Variants in AGBL4 observed in about 807,000 individuals in gnomAD.
AGBL4 encodes the protein cytosolic carboxypeptidase 6.
AGBL4 carries 58 observed loss-of-function variants against 66.4 expected under a neutral mutation model. That is an observed-to-expected ratio of 0.87 (90% confidence interval 0.71 to 1.09). AGBL4 has a LOEUF of 1.09. AGBL4 is among the 50% of genes least tolerant of loss of function. AGBL4 has a pLI of 0.00. For missense variants in AGBL4, 579 were observed against 631.0 expected (o/e 0.92, Z 0.88); for synonymous variants, 234 against 222.9 (o/e 1.05, Z -0.44).
Position 49,658,841 on chromosome 1 carries a change from C to T in AGBL4, c.282+38472G>A, listed in dbSNP as rs1452727303. Among the ~76,000 whole-genome samples the T allele has an allele frequency of 4.0e-5, 6 of 150,920 alleles. No homozygotes were observed. In the East Asian group the frequency reaches 9.8e-4, roughly 25 times the overall value. On this transcript the variant is annotated intron_variant, in intron 3 of 13. Coordinates refer to ENST00000371839, the MANE Select transcript of AGBL4 (RefSeq NM_032785.4). ...CTTGGACACAGGAAGGGGAACATCA[C>T]ACACCGGGGCCTGTTGTGGGGTGGG... is the stretch of plus-strand genomic sequence containing the variant.
At chr1:49,462,028 C>A (rs1381069041) in intron 3 of AGBL4, among the ~76,000 whole-genome samples, 1 of 151,656 alleles carries the variant, frequency 6.6e-6, no homozygotes, top group Non-Finnish European at 1.5e-5. Context: ...AGTTCTAGAT[C>A]CTTGAGGAAT....
intron 2 of AGBL4, among the ~76,000 whole-genome samples, chr1:49,849,818 G>A (rs1646260997): frequency 6.6e-6 from 1 of 152,116 alleles, no homozygotes; most frequent in East Asian, 1.9e-4. Context: ...TATGAGAAAG[G>A]AATCTGAATT....
At chr1:48,624,501 C>T (rs1177010551) in intron 9 of AGBL4, among the ~76,000 whole-genome samples, 2 of 152,200 alleles carry the variant, frequency 1.3e-5, no homozygotes, top group Non-Finnish European at 2.9e-5. Context: ...CACTAAAACA[C>T]AGCATGATGT....
chr1:49,055,225 A>G (rs1324802283), intron 4 of AGBL4, among the ~76,000 whole-genome samples: 2 of 152,036 alleles, frequency 1.3e-5, no homozygotes, highest in African/African-American at 4.8e-5. Flanking sequence ...TAATATCTAC[A>G]TTTGATGAAC....
In AGBL4 at chr1:48,950,936, T is replaced by C. The variant is rs558935116; in HGVS notation, c.595-83706A>G. Among the ~76,000 whole-genome samples the C allele has an allele frequency of 1.4e-4, 22 of 152,330 alleles. No homozygotes were observed. In the South Asian group the frequency reaches 1.9e-3, roughly 13 times the overall value. ...TATGTCTTGGTACTTATAGCCTTAA[T>C]ATAACATTGTCCAACAGCCTTTTCT... On this transcript the variant is annotated intron_variant, in intron 5 of 13. Transcript: ENST00000371839.
chr1:49,596,572 T>C (rs1045519675), intron 3 of AGBL4, among the ~76,000 whole-genome samples: 6 of 152,194 alleles, frequency 3.9e-5, no homozygotes, highest in Non-Finnish European at 2.9e-5. Flanking sequence ...GAAATGTAGA[T>C]GTATGTTAGT....
intron 3 of AGBL4, among the ~76,000 whole-genome samples, chr1:49,431,607 C>A (rs1645787932): frequency 6.6e-6 from 1 of 152,098 alleles, no homozygotes; most frequent in African/African-American, 2.4e-5. Flanking sequence ...GCAAATCCAG[C>A]ATTTTGTACA....
chr1:49,852,711 T>C (rs1281408165), intron 1 of AGBL4, among the ~76,000 whole-genome samples: 3 of 152,254 alleles, frequency 2.0e-5, no homozygotes, highest in East Asian at 1.9e-4. Flanking sequence ...CAGAGAATAC[T>C]ATAAATATTA....
chr1:49,996,520 A>G (rs766278410), intron 1 of AGBL4, among the ~76,000 whole-genome samples: 1 of 152,188 alleles, frequency 6.6e-6, no homozygotes, highest in Non-Finnish European at 1.5e-5. Context: ...ACAAAGAAAA[A>G]GGAATAAAAA....
At position 49,475,554 on chromosome 1, in the gene AGBL4, G is replaced by A. The variant is rs181120676; in HGVS notation, c.282+221759C>T. Among the ~76,000 whole-genome samples, 27 of 152,098 alleles carry A rather than the reference G, an allele frequency of 1.8e-4. No homozygotes were observed. The South Asian group carries it at 2.3e-3, about 13-fold the overall frequency. ...GTAAAATTGGCTGTGAATCCATCTCGTCCAGGGCTTGTGTTTGTTGTAGGT... is the reference window on the plus strand; with the variant it reads ...GTAAAATTGGCTGTGAATCCATCTCATCCAGGGCTTGTGTTTGTTGTAGGT... On this transcript the variant is annotated intron_variant, in intron 3 of 13. Coordinates refer to ENST00000371839, the MANE Select transcript of AGBL4 (RefSeq NM_032785.4).
intron 3 of AGBL4, among the ~76,000 whole-genome samples, chr1:49,666,224 T>C (rs1646364734): frequency 6.6e-6 from 1 of 152,086 alleles, no homozygotes; most frequent in African/African-American, 2.4e-5. Context: ...TAGGAGGCAT[T>C]CAACAAATGT....
rs1473521488 is a variant in AGBL4, at chr1:48,534,032, T to C, written c.*141A>G. The C allele has an allele frequency of 6.1e-6, 8 of 1,321,864 alleles. No homozygotes were observed. 81.9% of individuals were successfully genotyped at this position (1,321,864 alleles called of 1,614,324 possible). Reference sequence around the variant, plus strand: ...GAAAAAGGGAAAATCAGTGATGAAGTTTCTCATTGTATCCCTTCCCTTTCA... The same window carrying C: ...GAAAAAGGGAAAATCAGTGATGAAGCTTCTCATTGTATCCCTTCCCTTTCA... On this transcript the variant is annotated 3_prime_UTR_variant, in exon 14 of 14. Coordinates refer to ENST00000371839, the MANE Select transcript of AGBL4 (RefSeq NM_032785.4).
At chr1:49,396,085 T>G (rs574367094) in intron 3 of AGBL4, among the ~76,000 whole-genome samples, 1 of 151,718 alleles carries the variant, frequency 6.6e-6, no homozygotes, top group Admixed American at 6.6e-5. Context: ...TCAGAGTTAC[T>G]TTTTGAGGGA....
chr1:48,559,250 G>A (rs1472967055), intron 11 of AGBL4, among the ~76,000 whole-genome samples: 3 of 152,160 alleles, frequency 2.0e-5, no homozygotes, highest in African/African-American at 7.2e-5. Context: ...ATCACAAGGA[G>A]ACAGCACAAA....
chr1:49,126,089 C>T (rs1645758658), intron 4 of AGBL4, among the ~76,000 whole-genome samples: 1 of 152,108 alleles, frequency 6.6e-6, no homozygotes, highest in African/African-American at 2.4e-5. Flanking sequence ...CAACACAAGT[C>T]CAAGAATCCA....
intron 2 of AGBL4, among the ~76,000 whole-genome samples, chr1:49,768,274 C>CA (rs551418041): frequency 2.6e-5 from 4 of 151,142 alleles, no homozygotes; most frequent in African/African-American, 7.3e-5. Context: ...CAAAAATCCT[C>CA]AAAAAAAAAT....
In AGBL4 at chr1:48,761,593, C is replaced by G. The variant is rs888563037; in HGVS notation, c.635-98352G>C. ...GGCCAGACCAGTTAAAAAGGAAAAA[C>G]AAACAGACTCAAGGCTGGTTCCCTC... On this transcript the variant is annotated intron_variant, in intron 6 of 13. Coordinates refer to ENST00000371839, the MANE Select transcript of AGBL4 (RefSeq NM_032785.4). 3 of 993,924 alleles carry G rather than the reference C, an allele frequency of 3.0e-6. No homozygotes were observed. In the Admixed American group the frequency reaches 8.3e-5, roughly 27 times the overall value. The allele number at this position is 993,924 out of a possible 1,614,324, so 61.6% of individuals were successfully genotyped here.
At chr1:49,316,219 C>T (rs1017839801) in intron 3 of AGBL4, among the ~76,000 whole-genome samples, 1 of 151,858 alleles carries the variant, frequency 6.6e-6, no homozygotes, top group African/African-American at 2.4e-5. Context: ...TGTTAAAATC[C>T]ATAAAATGTA....
At chr1:48,726,317 G>C (rs1033779367) in intron 6 of AGBL4, among the ~76,000 whole-genome samples, 4 of 152,162 alleles carry the variant, frequency 2.6e-5, no homozygotes, top group African/African-American at 9.7e-5. Context: ...TACTCACAGA[G>C]AGAAAAGGGG....
Sources: gnomAD v4.1 joint callset for allele counts (sites outside exome capture counted in the v4.1 genomes callset) on GRCh38, gnomAD v4.1.1 for gene constraint, MANE v1.5 for transcripts, NCBI Gene and HGNC (gene_info 2026-07-23, HGNC 2026-07-21) for gene names.